The following FRMD6 variants were observed in gnomAD, a reference collection of about 807,000 sequenced individuals.
FRMD6 encodes FERM domain-containing protein 6.
Under a neutral mutation model 73.2 loss-of-function variants are expected in FRMD6, and 37 were observed. The observed-to-expected ratio is 0.51, with a 90% CI of 0.39 to 0.66. FRMD6 has a LOEUF of 0.66. Among genes scored for constraint, FRMD6 ranks in the 30% least tolerant of loss-of-function variants. The pLI, the probability that FRMD6 is intolerant of heterozygous loss-of-function variation, is 0.00. For synonymous variants in FRMD6, 273 were observed against 282.2 expected (o/e 0.97, Z 0.33); for missense variants, 714 against 780.5 (o/e 0.91, Z 1.02).
At chr14:51,680,538 A>G (rs1311352254) in intron 1 of FRMD6, among the ~76,000 whole-genome samples, 1 of 152,226 alleles carries the variant, frequency 6.6e-6, no homozygotes, top group East Asian at 1.9e-4. Context: ...CTACACTTTA[A>G]CAAGTGCTAG....
At chr14:51,403,095 C>T in the FRMD6 span, among the ~76,000 whole-genome samples, 1 of 152,082 alleles carries the variant, frequency 6.6e-6, no homozygotes, top group Non-Finnish European at 1.5e-5. Flanking sequence ...GTATATGATG[C>T]TTGATGGTAT....
the FRMD6 span, among the ~76,000 whole-genome samples, chr14:51,444,709 AC>A: frequency 1.3e-5 from 2 of 152,090 alleles, no homozygotes; most frequent in African/African-American, 4.8e-5. Flanking sequence ...GGAGCCCTAT[AC>A]CCTTAGAGTT....
chr14:51,723,321 A>T (rs1897734496), intron 12 of FRMD6, among the ~76,000 whole-genome samples: 1 of 152,142 alleles, frequency 6.6e-6, no homozygotes, highest in African/African-American at 2.4e-5. Flanking sequence ...TTGGGAAGGG[A>T]GGTATGAGGG....
At chr14:51,597,772 A>G (rs1438491726) in intron 2 of FRMD6, among the ~76,000 whole-genome samples, 1 of 152,260 alleles carries the variant, frequency 6.6e-6, no homozygotes, top group Non-Finnish European at 1.5e-5. Context: ...AGAAATTCCA[A>G]GACCAGATGA....
the FRMD6 span, among the ~76,000 whole-genome samples, chr14:51,460,545 G>A: frequency 3.9e-5 from 6 of 152,280 alleles, no homozygotes; most frequent in Middle Eastern, 3.4e-3. Context: ...GGTCAAGGAC[G>A]TGAACATTTT....
rs147035709 is a variant in FRMD6, at chr14:51,616,462, T to C, written c.-147+46052T>C. ...TGTGGAGGGGAATGGACAAGGGAGC[T>C]GAAGATAAGCCACACAGCTGTGAGG... On this transcript the variant is annotated intron_variant, in intron 2 of 14. Coordinates refer to the FRMD6 transcript ENST00000356218. 3.5e-4 allele frequency among the ~76,000 whole-genome samples: 53 copies of C among 152,268 alleles called. 1 individual carries two copies. Among genetic ancestry groups the C allele is most frequent in the Middle Eastern group, 3.4e-3 (1 of 294 alleles).
intron 2 of FRMD6, among the ~76,000 whole-genome samples, chr14:51,601,131 C>T (rs1263012303): frequency 6.6e-6 from 1 of 152,176 alleles, no homozygotes; most frequent in Non-Finnish European, 1.5e-5. Context: ...CATGGGCAGA[C>T]CTGTCCCCCA....
chr14:51,585,939 GTA>G (rs3060587), intron 2 of FRMD6, among the ~76,000 whole-genome samples: 13 of 31,408 alleles, frequency 4.1e-4, no homozygotes, highest in Non-Finnish European at 9.7e-4. Context: ...GTGTGTGTGT[GTA>G]TATATATATA....
At chr14:51,422,940 A>T in the FRMD6 span, among the ~76,000 whole-genome samples, 101 of 152,314 alleles carry the variant, frequency 6.6e-4, no homozygotes, top group East Asian at 6.0e-3. Flanking sequence ...TGTGAGCAGA[A>T]GTGATGTATG....
chr14:51,633,248 C>G (rs1891405810), intron 2 of FRMD6, among the ~76,000 whole-genome samples: 1 of 151,508 alleles, frequency 6.6e-6, no homozygotes, highest in African/African-American at 2.4e-5. Context: ...GAGATTAAGC[C>G]TAGGAGTTTG....
intron 2 of FRMD6, among the ~76,000 whole-genome samples, chr14:51,629,570 G>A (rs990469034): frequency 1.3e-5 from 2 of 152,180 alleles, no homozygotes; most frequent in Non-Finnish European, 2.9e-5. Flanking sequence ...GGGAACATAA[G>A]CATTCTACGG....
intron 1 of FRMD6, among the ~76,000 whole-genome samples, chr14:51,557,227 A>G (rs1013725999): frequency 1.4e-5 from 2 of 147,666 alleles, no homozygotes; most frequent in African/African-American, 5.1e-5. Context: ...GTGTCCATCA[A>G]TGGATGAGAA....
At chr14:51,452,229 C>G in the FRMD6 span, among the ~76,000 whole-genome samples, 3 of 152,096 alleles carry the variant, frequency 2.0e-5, no homozygotes, top group Non-Finnish European at 4.4e-5. Context: ...GCTGGACAGG[C>G]AGATGGAAGA....
the FRMD6 span, among the ~76,000 whole-genome samples, chr14:51,428,058 A>C: frequency 6.6e-6 from 1 of 152,210 alleles, no homozygotes; most frequent in South Asian, 2.1e-4. Context: ...TGGGTTCAGT[A>C]AGTCTGGGCT....
chr14:51,420,130 GCAACCTTGTCACAGATAAA>G, the FRMD6 span, among the ~76,000 whole-genome samples: 1 of 152,188 alleles, frequency 6.6e-6, no homozygotes, highest in Admixed American at 6.5e-5. Context: ...AAGGCCCAAG[GCAACCTTGTCACAGATAAA>G]GTAACAGATC....
the FRMD6 span, among the ~76,000 whole-genome samples, chr14:51,414,783 A>C: frequency 2.0e-5 from 3 of 152,222 alleles, no homozygotes; most frequent in Admixed American, 6.5e-5. Flanking sequence ...CTTCCTATCC[A>C]TGAGCATGGA....
At chr14:51,456,610 G>T in the FRMD6 span, among the ~76,000 whole-genome samples, 2 of 151,722 alleles carry the variant, frequency 1.3e-5, no homozygotes, top group African/African-American at 4.8e-5. Flanking sequence ...TTGTTTGTTG[G>T]CTGCATAAAT....
Position 51,499,153 on chromosome 14 carries a change from G to A in FRMD6, c.-210+9733G>A, listed in dbSNP as rs573624463. Among the ~76,000 whole-genome samples the A allele has an allele frequency of 5.9e-5, 9 of 152,256 alleles. No individual in the cohort carries two copies. The South Asian group carries it at 1.9e-3, about 32-fold the overall frequency. ...CACAGGATCCCTTGCAATAGATAACGTTCAATAAACACATGTTTCTTGATG... is the reference window on the plus strand; with the variant it reads ...CACAGGATCCCTTGCAATAGATAACATTCAATAAACACATGTTTCTTGATG... On this transcript the variant is annotated intron_variant, in intron 1 of 14. Transcript: ENST00000356218.
At chr14:51,417,430 T>C in the FRMD6 span, among the ~76,000 whole-genome samples, 2 of 152,240 alleles carry the variant, frequency 1.3e-5, no homozygotes, top group African/African-American at 2.4e-5. Flanking sequence ...TGGCTGGATA[T>C]GCAGTTCTGG....
Sources: allele counts gnomAD v4.1 joint callset (sites outside exome capture counted in the v4.1 genomes callset), GRCh38; gene constraint gnomAD v4.1.1; transcripts MANE v1.5; gene names NCBI Gene and HGNC (gene_info 2026-07-23, HGNC 2026-07-21).